The following SIPA1L1 variants were observed in gnomAD, a reference collection of about 807,000 sequenced individuals.
SIPA1L1 encodes signal-induced proliferation-associated 1-like protein 1.
SIPA1L1 carries 26 observed loss-of-function variants against 162.7 expected under a neutral mutation model. The ratio of observed to expected loss-of-function variants is 0.16; its 90% CI spans 0.12 to 0.22. The LOEUF (loss-of-function observed/expected upper bound fraction) is 0.22, where lower values mean the gene tolerates loss of function less well. Among genes scored for constraint, SIPA1L1 ranks in the 10% least tolerant of loss-of-function variants. SIPA1L1 has a pLI of 1.00. For missense variants in SIPA1L1, 1,874 were observed against 2,241.0 expected (o/e 0.84, Z 3.31); for synonymous variants, 829 against 837.4 (o/e 0.99, Z 0.17).
chr14:71,674,444 T>G (rs571890418), intron 12 of SIPA1L1, among the ~76,000 whole-genome samples: 38 of 152,120 alleles, frequency 2.5e-4, no homozygotes, highest in Admixed American at 8.5e-4. Context: ...ATATACTGAG[T>G]TTTTTACCTT....
chr14:71,695,057 C>T (rs2081525413), intron 13 of SIPA1L1, among the ~76,000 whole-genome samples: 1 of 152,234 alleles, frequency 6.6e-6, no homozygotes, highest in African/African-American at 2.4e-5. Context: ...CAGGCTATCT[C>T]TTCAGAAGTG....
intron 2 of SIPA1L1, among the ~76,000 whole-genome samples, chr14:71,356,928 G>A (rs1458173892): frequency 6.6e-6 from 1 of 151,976 alleles, no homozygotes; most frequent in Admixed American, 6.6e-5. Flanking sequence ...TGATCAGAGA[G>A]AGTTGAGACT....
intron 7 of SIPA1L1, among the ~76,000 whole-genome samples, chr14:71,639,700 CTGTG>C (rs770193987): frequency 6.6e-6 from 1 of 152,184 alleles, no homozygotes; most frequent in Non-Finnish European, 1.5e-5. Context: ...GTAGTCAAGA[CTGTG>C]TGGCATTGCT....
At chr14:71,703,988 TG>T (rs1597105548) in intron 15 of SIPA1L1, among the ~76,000 whole-genome samples, 1 of 152,332 alleles carries the variant, frequency 6.6e-6, no homozygotes, top group East Asian at 1.9e-4. Flanking sequence ...TCATCTTTTT[TG>T]TAAGGTATAC....
intron 2 of SIPA1L1, among the ~76,000 whole-genome samples, chr14:71,502,039 A>C (rs1265282004): frequency 8.3e-6 from 1 of 120,076 alleles, no homozygotes; most frequent in Non-Finnish European, 1.8e-5. Context: ...CCCTGTTTCC[A>C]AAAAAAAAAA....
chr14:71,557,088 T>C (rs1006701960), intron 4 of SIPA1L1, among the ~76,000 whole-genome samples: 2 of 152,214 alleles, frequency 1.3e-5, no homozygotes, highest in African/African-American at 4.8e-5. Context: ...AAAACCAATA[T>C]AGCTATCATA....
intron 5 of SIPA1L1, among the ~76,000 whole-genome samples, chr14:71,602,981 T>C (rs1369131804): frequency 1.3e-5 from 2 of 152,236 alleles, no homozygotes; most frequent in Non-Finnish European, 2.9e-5. Flanking sequence ...TATAATAGTA[T>C]TGGAGTCTTT....
In SIPA1L1 at chr14:71,377,632, G is replaced by A. The variant is rs773063375; in HGVS notation, c.-465+56451G>A. The stretch of plus-strand genomic sequence containing the variant: ...TTGGGAGGCCAAGGCAGGCGGCTGG[G>A]AGGTGGAGGTTGTAGCGAGCTGAGA... On this transcript the variant is annotated intron_variant, in intron 2 of 23. Coordinates refer to ENST00000381232, the MANE Select transcript of SIPA1L1 (RefSeq NM_001386936.1). This position sits in a 1 kb window ranked among gnomAD's most constrained non-coding sequence, Gnocchi z 4.8. Among the ~76,000 whole-genome samples the A allele has an allele frequency of 2.7e-4, 41 of 152,186 alleles. No individual in the cohort carries two copies. Among genetic ancestry groups the A allele is most frequent in the Non-Finnish European group, 4.4e-4 (30 of 68,030 alleles).
At chr14:71,707,678 A>AC (rs1293692807) in intron 16 of SIPA1L1, among the ~76,000 whole-genome samples, 1 of 151,988 alleles carries the variant, frequency 6.6e-6, no homozygotes, top group Non-Finnish European at 1.5e-5. Flanking sequence ...TTACGGATAT[A>AC]CCCTATTTTT....
chr14:71,709,217 T>C lies in SIPA1L1; in HGVS notation c.3766-5T>C. 1 of 1,602,360 alleles carries C rather than the reference T, an allele frequency of 6.2e-7. No individual in the cohort carries two copies. The highest frequency in any genetic ancestry group is 8.5e-7 in the Non-Finnish European group (1 of 1,172,750). ...GCACTCAAATAAATTCTGCTTCTCTTGCAGTCTGATAGCCACTACTCGAGC... is the reference window on the plus strand; with the variant it reads ...GCACTCAAATAAATTCTGCTTCTCTCGCAGTCTGATAGCCACTACTCGAGC... On this transcript the variant is annotated splice_region_variant and splice_polypyrimidine_tract_variant and intron_variant, in intron 16 of 23. Transcript: ENST00000381232.
intron 2 of SIPA1L1, among the ~76,000 whole-genome samples, chr14:71,415,187 A>G (rs1186426646): frequency 6.6e-6 from 1 of 152,096 alleles, no homozygotes; most frequent in Non-Finnish European, 1.5e-5. Context: ...AGCTTAGGGG[A>G]TGGGTAATTG....
intron 2 of SIPA1L1, among the ~76,000 whole-genome samples, chr14:71,399,739 T>C (rs920702242): frequency 5.9e-5 from 9 of 151,750 alleles, no homozygotes; most frequent in Non-Finnish European, 1.0e-4. Context: ...ATTTTATTTT[T>C]TTTTGAGATG....
chr14:71,578,687 G>A (rs936760229), intron 4 of SIPA1L1, among the ~76,000 whole-genome samples: 2 of 152,206 alleles, frequency 1.3e-5, no homozygotes, highest in African/African-American at 2.4e-5. Flanking sequence ...GTACTTTACT[G>A]TATTTGTCAG....
At chr14:71,600,865 G>A (rs555252735) in intron 5 of SIPA1L1, among the ~76,000 whole-genome samples, 1 of 151,964 alleles carries the variant, frequency 6.6e-6, no homozygotes, top group African/African-American at 2.4e-5. Flanking sequence ...GTTGTAGATG[G>A]GATTGCCTTC....
At chr14:71,420,832 A>G (rs752413294) in intron 2 of SIPA1L1, among the ~76,000 whole-genome samples, 11 of 152,178 alleles carry the variant, frequency 7.2e-5, no homozygotes, top group South Asian at 2.1e-4. Context: ...AATAGCAGCA[A>G]TGTCATCACC....
chr14:71,358,284 G>A (rs2037464785), intron 2 of SIPA1L1, among the ~76,000 whole-genome samples: 1 of 152,222 alleles, frequency 6.6e-6, no homozygotes, highest in South Asian at 2.1e-4. Flanking sequence ...AACACACCAA[G>A]CATACCTAAT....
intron 2 of SIPA1L1, among the ~76,000 whole-genome samples, chr14:71,435,350 G>A (rs964485112): frequency 7.3e-5 from 11 of 151,720 alleles, no homozygotes; most frequent in African/African-American, 1.9e-4. Context: ...GACAGGCCCC[G>A]GTGTGTGATG....
At chr14:71,603,508 G>C (rs989262300) in intron 5 of SIPA1L1, among the ~76,000 whole-genome samples, 3 of 151,902 alleles carry the variant, frequency 2.0e-5, no homozygotes, top group African/African-American at 7.3e-5. Flanking sequence ...ATTTAGGCCA[G>C]AGTACAGTGG....
chr14:71,714,782 A>C (rs1222314444), intron 17 of SIPA1L1, among the ~76,000 whole-genome samples: 1 of 152,116 alleles, frequency 6.6e-6, no homozygotes, highest in Non-Finnish European at 1.5e-5. Context: ...GGGTCTCATC[A>C]TGTTGCCCAG....
Sources: allele counts gnomAD v4.1 joint callset (sites outside exome capture counted in the v4.1 genomes callset), GRCh38; gene constraint gnomAD v4.1.1; non-coding constraint Gnocchi (gnomAD v3.1); transcripts MANE v1.5; gene names NCBI Gene and HGNC (gene_info 2026-07-23, HGNC 2026-07-21).